The following MLIP variants were observed in gnomAD, a reference collection of about 807,000 sequenced individuals.
MLIP encodes muscular LMNA-interacting protein.
MLIP carries 79 observed loss-of-function variants against 84.8 expected under a neutral mutation model. The ratio of observed to expected loss-of-function variants is 0.93; its 90% CI spans 0.78 to 1.12. The LOEUF is 1.12. MLIP is among the 50% of genes most tolerant of loss of function. The pLI is 0.00. For synonymous variants in MLIP, 504 were observed against 463.0 expected, an observed-to-expected ratio of 1.09 and a Z score of -1.14; for missense variants, 1,257 against 1,160.6, an observed-to-expected ratio of 1.08 and a Z score of -1.21.
In MLIP at chr6:54,136,945, CA is replaced by C; in HGVS notation, c.877del (p.Thr293ProfsTer30). On this transcript the variant is annotated frameshift_variant, in exon 4 of 14. Transcript: ENST00000502396. LOFTEE classifies it high-confidence loss of function. ...CTACACCCTTTTCTGCATCGAAGGG[CA>C]CCTCCTCGACGTTACTGTTTCCCCA... is the stretch of plus-strand genomic sequence containing the variant. The part of the protein sequence containing the change: ...HSTPFSASKG[T>X]SSTLLFPHST... The C allele has an allele frequency of 6.5e-7, 1 of 1,536,066 alleles. No individual in the cohort carries two copies. Among genetic ancestry groups the C allele is most frequent in the Non-Finnish European group, 8.7e-7 (1 of 1,146,866 alleles).
At position 54,121,606 on chromosome 6, in the gene MLIP, G is replaced by T. The variant is rs767611774; in HGVS notation, c.252+4G>T. The T allele has an allele frequency of 6.4e-7, 1 of 1,559,404 alleles. No individual in the cohort carries two copies. Among genetic ancestry groups the T allele is most frequent in the Non-Finnish European group, 8.6e-7 (1 of 1,156,274 alleles). ...GAGTCCAGAAACTGTAAATAGGGTA[G>T]GATTATTTTTATTCTTTTTTAATTT... On this transcript the variant is annotated splice_donor_region_variant and intron_variant, in intron 2 of 13. Coordinates refer to ENST00000502396, the MANE Select transcript of MLIP (RefSeq NM_001281747.2).
At chr6:54,199,776 T>C (rs1157470853) in intron 10 of MLIP, among the ~76,000 whole-genome samples, 1 of 152,120 alleles carries the variant, frequency 6.6e-6, no homozygotes, top group Non-Finnish European at 1.5e-5. Context: ...AAGTATTGAC[T>C]ACTGGGTAAC....
At chr6:54,230,634 T>C in intron 11 of MLIP, 80 bp from the exon 12 acceptor site, 2 of 1,272,866 alleles carry the variant, frequency 1.6e-6, no homozygotes, top group Non-Finnish European at 2.3e-6. Context: ...TTCTGACCTA[T>C]GTCTATCGTA....
At chr6:54,111,652 G>T in intron 1 of MLIP, 77 bp downstream of exon 1, 1 of 1,412,434 alleles carries the variant, frequency 7.1e-7, no homozygotes, top group South Asian at 1.2e-5. Flanking sequence ...TTGCTGCAAG[G>T]ATGTGAGGGA....
At chr6:54,139,098 G>C (rs1772072645) in intron 4 of MLIP, among the ~76,000 whole-genome samples, 1 of 152,112 alleles carries the variant, frequency 6.6e-6, no homozygotes, top group Admixed American at 6.6e-5. Context: ...TTAAATACCT[G>C]CTATATGTGT....
At chr6:54,096,233 A>G (rs1359086429) in intron 1 of MLIP, among the ~76,000 whole-genome samples, 1 of 152,162 alleles carries the variant, frequency 6.6e-6, no homozygotes, top group African/African-American at 2.4e-5. Flanking sequence ...AACTTTGTAC[A>G]GATTATATTT....
chr6:54,092,308 A>G (rs1011991058), intron 1 of MLIP, among the ~76,000 whole-genome samples: 2 of 152,182 alleles, frequency 1.3e-5, no homozygotes, highest in East Asian at 3.9e-4. Context: ...TGCAAATCAT[A>G]ATTATTGGCC....
At chr6:54,082,712 T>C (rs1264373758) in intron 1 of MLIP, among the ~76,000 whole-genome samples, 3 of 152,188 alleles carry the variant, frequency 2.0e-5, no homozygotes, top group Non-Finnish European at 4.4e-5. Flanking sequence ...TTCATTATGA[T>C]TTTGATTTGC....
chr6:54,095,298 C>T (rs1435449575), intron 1 of MLIP, among the ~76,000 whole-genome samples: 2 of 152,104 alleles, frequency 1.3e-5, no homozygotes, highest in African/African-American at 2.4e-5. Flanking sequence ...TCAGGTACAT[C>T]GTGGGGAAGA....
chr6:54,259,552 TA>T (rs1248131512), intron 13 of MLIP, among the ~76,000 whole-genome samples: 1 of 151,846 alleles, frequency 6.6e-6, no homozygotes, highest in Non-Finnish European at 1.5e-5. Flanking sequence ...AAGAGAATGG[TA>T]TAGATGTAGT....
upstream of MLIP, among the ~76,000 whole-genome samples, chr6:54,109,924 T>TCTTTCTTCCGTCCTTCCTTCCTTCCTTC: frequency 1.5e-5 from 1 of 65,902 alleles, no homozygotes; most frequent in South Asian, 9.8e-4. Flanking sequence ...TTTCTTTCTT[T>TCTTTCTTCCGTCCTTCCTTCCTTCCTTC]CTTCCTTCCT....
chr6:54,143,369 C>T (rs1772495761), intron 4 of MLIP, among the ~76,000 whole-genome samples: 1 of 152,036 alleles, frequency 6.6e-6, no homozygotes, highest in Non-Finnish European at 1.5e-5. Flanking sequence ...CCACACCCAG[C>T]TAAGTTTTGT....
intron 12 of MLIP, among the ~76,000 whole-genome samples, chr6:54,243,166 A>G (rs1781852664): frequency 6.6e-6 from 1 of 152,208 alleles, no homozygotes; most frequent in African/African-American, 2.4e-5. Flanking sequence ...ATGAGTATAT[A>G]TACCAGAGGT....
At chr6:54,218,579 G>A (rs1780001877) in intron 11 of MLIP, among the ~76,000 whole-genome samples, 1 of 152,132 alleles carries the variant, frequency 6.6e-6, no homozygotes, top group Non-Finnish European at 1.5e-5. Context: ...GAAGGCAGTG[G>A]TGCGATCTCG....
chr6:54,078,771 A>G (rs1393542033), intron 1 of MLIP, among the ~76,000 whole-genome samples: 1 of 143,756 alleles, frequency 7.0e-6, no homozygotes, highest in East Asian at 2.0e-4. Flanking sequence ...AGCTCACTGC[A>G]ACCTCTGTCT....
intron 1 of MLIP, among the ~76,000 whole-genome samples, chr6:54,081,922 A>G (rs1767184748): frequency 6.6e-6 from 1 of 152,184 alleles, no homozygotes; most frequent in Non-Finnish European, 1.5e-5. Context: ...TGACCAAGAC[A>G]AATAATGAAT....
intron 1 of MLIP, among the ~76,000 whole-genome samples, chr6:54,113,345 C>T (rs1170072755): frequency 6.6e-6 from 1 of 152,118 alleles, no homozygotes; most frequent in African/African-American, 2.4e-5. Context: ...ACTCTCCTTT[C>T]TATCATGATA....
Position 54,248,130 on chromosome 6 carries a change from G to A in MLIP, c.2923-9178G>A, listed in dbSNP as rs557471708. On this transcript the variant is annotated intron_variant, in intron 12 of 13. Transcript: ENST00000502396. ...TTATATTCTATTTTATGTCACACTG[G>A]AATAAGAGGTACAATATTCCTTATA... Among the ~76,000 whole-genome samples, 6 of 151,924 alleles carry A rather than the reference G, an allele frequency of 3.9e-5. No homozygotes were observed. The East Asian group carries it at 1.2e-3, about 29-fold the overall frequency.
At chr6:54,143,217 C>CTT (rs35374553) in intron 4 of MLIP, among the ~76,000 whole-genome samples, 33 of 132,524 alleles carry the variant, frequency 2.5e-4, no homozygotes, top group African/African-American at 6.3e-4. Flanking sequence ...GGGGGATTTG[C>CTT]TTTTTTTTTT....
Sources: allele counts gnomAD v4.1 joint callset (sites outside exome capture counted in the v4.1 genomes callset), GRCh38; gene constraint gnomAD v4.1.1; transcripts MANE v1.5; gene names NCBI Gene and HGNC (gene_info 2026-07-23, HGNC 2026-07-21).